The following TAFA1 variants were observed in gnomAD, a reference collection of about 807,000 sequenced individuals.
The protein encoded by TAFA1 is TAFA chemokine like family member 1, also known as chemokine-like protein TAFA-1.
TAFA1 carries 4 observed loss-of-function variants against 18.5 expected under a neutral mutation model. The observed-to-expected ratio is 0.22, with a 90% CI of 0.11 to 0.49. TAFA1 has a LOEUF of 0.49. TAFA1 is among the 20% of genes least tolerant of loss of function. The probability of loss-of-function intolerance (pLI) is 0.98; values close to 1 mark genes in which losing one functional copy is unlikely to be tolerated. For missense variants in TAFA1, 147 were observed against 169.0 expected, an observed-to-expected ratio of 0.87 and a Z score of 0.72; for synonymous variants, 56 against 55.2, an observed-to-expected ratio of 1.01 and a Z score of -0.06.
chr3:68,313,658 C>T (rs189262633), intron 2 of TAFA1, among the ~76,000 whole-genome samples: 32 of 152,316 alleles, frequency 2.1e-4, no homozygotes, highest in African/African-American at 7.2e-4. Flanking sequence ...TATCTTTCTG[C>T]AGTGTACACC....
At chr3:68,019,127 T>C (rs1704627458) in intron 2 of TAFA1, among the ~76,000 whole-genome samples, 1 of 152,218 alleles carries the variant, frequency 6.6e-6, no homozygotes. Context: ...AAATAACAAA[T>C]TTCTATGTTG....
intron 2 of TAFA1, among the ~76,000 whole-genome samples, chr3:68,195,637 C>T (rs1006761180): frequency 2.6e-5 from 4 of 151,464 alleles, no homozygotes; most frequent in African/African-American, 7.3e-5. Context: ...GAAAGACACC[C>T]ATAGCAGAAA....
chr3:68,370,636 C>T (rs887759325), intron 2 of TAFA1, among the ~76,000 whole-genome samples: 8 of 147,912 alleles, frequency 5.4e-5, no homozygotes, highest in Non-Finnish European at 1.2e-4. Flanking sequence ...TGATGGAGTT[C>T]CTTTTCTAAG....
intron 3 of TAFA1, among the ~76,000 whole-genome samples, chr3:68,426,209 A>G (rs2071050083): frequency 6.6e-6 from 1 of 151,940 alleles, no homozygotes; most frequent in African/African-American, 2.4e-5. Context: ...AAATTTTTAC[A>G]AAAGAAATGT....
chr3:68,349,714 T>A (rs2106771493), intron 2 of TAFA1, among the ~76,000 whole-genome samples: 1 of 152,132 alleles, frequency 6.6e-6, no homozygotes, highest in East Asian at 1.9e-4. Flanking sequence ...TGCAAATGAA[T>A]GGGGGTGTGG....
Position 68,538,807 on chromosome 3 carries a change from G to T in TAFA1, c.311G>T (p.Gly104Val), listed in dbSNP as rs748165508. 6.2e-7 allele frequency: 1 copy of T among 1,613,560 alleles called. No homozygotes were observed. Among genetic ancestry groups the T allele is most frequent in the Non-Finnish European group, 8.5e-7 (1 of 1,179,644 alleles). ...TGTGAGATGGAGCCTTGCCTAGAAG[G>T]AGAAGAATGTAAGACACTCCCTGAC... Reference protein sequence around the residue: ...WWCEMEPCLEGEECKTLPDNS... With the variant: ...WWCEMEPCLEVEECKTLPDNS... Residue 104 changes from glycine to valine, a missense_variant, in exon 4 of 5, where the codon GGA becomes GTA. Coordinates refer to ENST00000478136, the MANE Select transcript of TAFA1 (RefSeq NM_213609.4).
intron 3 of TAFA1, among the ~76,000 whole-genome samples, chr3:68,456,707 A>T (rs969370474): frequency 2.0e-5 from 3 of 152,188 alleles, no homozygotes; most frequent in African/African-American, 7.2e-5. Context: ...TTTCAATATG[A>T]TATGAAAAGG....
intron 2 of TAFA1, among the ~76,000 whole-genome samples, chr3:68,387,997 T>A (rs2070140651): frequency 6.6e-6 from 1 of 152,192 alleles, no homozygotes; most frequent in Non-Finnish European, 1.5e-5. Flanking sequence ...AAATAACTCA[T>A]GTTACTTCAT....
At chr3:68,139,377 G>A (rs1415619439) in intron 2 of TAFA1, among the ~76,000 whole-genome samples, 2 of 152,118 alleles carry the variant, frequency 1.3e-5, no homozygotes, top group Non-Finnish European at 2.9e-5. Flanking sequence ...TAACACCAAT[G>A]TAATAATGTA....
chr3:68,064,131 T>C (rs1046497786), intron 2 of TAFA1, among the ~76,000 whole-genome samples: 1 of 152,148 alleles, frequency 6.6e-6, no homozygotes, highest in Non-Finnish European at 1.5e-5. Context: ...ACCGGCAGAA[T>C]GCTGCTGTGT....
At chr3:68,424,424 A>G (rs1330671309) in intron 3 of TAFA1, among the ~76,000 whole-genome samples, 1 of 152,046 alleles carries the variant, frequency 6.6e-6, no homozygotes, top group African/African-American at 2.4e-5. Context: ...ATTTTCCCCA[A>G]GAACTGTTTG....
intron 3 of TAFA1, among the ~76,000 whole-genome samples, chr3:68,499,448 T>TTC (rs2072617986): frequency 1.1e-5 from 1 of 89,850 alleles, no homozygotes; most frequent in Non-Finnish European, 2.5e-5. Context: ...GTTCCTTTCT[T>TTC]TTTTTTTTTT....
At chr3:68,217,516 C>T (rs960205660) in intron 2 of TAFA1, among the ~76,000 whole-genome samples, 1 of 151,958 alleles carries the variant, frequency 6.6e-6, no homozygotes, top group Admixed American at 6.6e-5. Flanking sequence ...GGGAATAAAA[C>T]AGGACATTAA....
At chr3:68,195,155 C>A (rs150402594) in intron 2 of TAFA1, among the ~76,000 whole-genome samples, 1 of 151,064 alleles carries the variant, frequency 6.6e-6, no homozygotes, top group Admixed American at 6.6e-5. Context: ...TTCTTTCAAG[C>A]CTTACTCTAA....
At chr3:68,443,813 C>T (rs757071961) in intron 3 of TAFA1, among the ~76,000 whole-genome samples, 3 of 152,070 alleles carry the variant, frequency 2.0e-5, no homozygotes, top group African/African-American at 2.4e-5. Context: ...AAATGAGATT[C>T]CTCCTCATAT....
intron 2 of TAFA1, among the ~76,000 whole-genome samples, chr3:68,047,408 G>A (rs577525877): frequency 6.6e-6 from 1 of 152,274 alleles, no homozygotes; most frequent in South Asian, 2.1e-4. Flanking sequence ...GGATGGCATA[G>A]CAGCCAACTG....
chr3:68,124,273 C>T (rs1448570814), intron 2 of TAFA1, among the ~76,000 whole-genome samples: 1 of 152,156 alleles, frequency 6.6e-6, no homozygotes, highest in African/African-American at 2.4e-5. Context: ...TTCTTTCTGT[C>T]TGGTCTCACT....
At chr3:68,384,300 T>C (rs966073703) in intron 2 of TAFA1, among the ~76,000 whole-genome samples, 1 of 151,816 alleles carries the variant, frequency 6.6e-6, no homozygotes, top group Admixed American at 6.6e-5. Context: ...CTTTATGATA[T>C]GGACTTTAAG....
At chr3:68,051,440 C>T (rs7648121) in intron 2 of TAFA1, among the ~76,000 whole-genome samples, 8,214 of 152,110 alleles carry the variant, frequency 0.054, 285 homozygotes, top group South Asian at 0.16. Context: ...ATTTTGCCAC[C>T]TAGGGGATAT....
Sources: gnomAD v4.1 joint callset for allele counts (sites outside exome capture counted in the v4.1 genomes callset) on GRCh38, gnomAD v4.1.1 for gene constraint, MANE v1.5 for transcripts, NCBI Gene and HGNC (gene_info 2026-07-23, HGNC 2026-07-21) for gene names.